TREM2: variants seen among roughly 807,000 people sequenced by gnomAD.
TREM2 encodes triggering receptor expressed on myeloid cells 2, also known as triggering receptor expressed on monocytes 2.
Under a neutral mutation model 22.9 loss-of-function variants are expected in TREM2, and 20 were observed. That is an observed-to-expected ratio of 0.87 (90% CI 0.61 to 1.27). TREM2 has a LOEUF of 1.27. TREM2 is among the 50% of genes most tolerant of loss of function. The pLI is 0.00. For synonymous variants in TREM2, 111 were observed against 120.9 expected (o/e 0.92, Z 0.54); for missense variants, 267 against 289.0 (o/e 0.92, Z 0.55).
chr6:41,163,009 G>A (rs769602566), intron 1 of TREM2, 34 bp downstream of exon 1: 1 of 1,614,052 alleles, frequency 6.2e-7, no homozygotes, highest in Non-Finnish European at 8.5e-7. Flanking sequence ...AAGTGAGGGA[G>A]AGAAGGCATC....
At position 41,159,776 on chromosome 6, in the gene TREM2, A is replaced by G. The variant is rs748010918; in HGVS notation, c.482+16T>C. ...GAAGTCTGCCCACGGGTTTTAGGAA[A>G]GACCCATCGCTGTACCTGGAGATGC... On this transcript the variant is annotated intron_variant, in intron 3 of 4. Coordinates refer to ENST00000373113, the MANE Select transcript of TREM2 (RefSeq NM_018965.4). 1.9e-6 allele frequency: 3 copies of G among 1,613,178 alleles called. No individual in the cohort carries two copies. Among genetic ancestry groups the G allele is most frequent in the Non-Finnish European group, 2.5e-6 (3 of 1,179,194 alleles).
chr6:41,160,441 G>A (rs1378487016), intron 2 of TREM2, among the ~76,000 whole-genome samples: 2 of 152,104 alleles, frequency 1.3e-5, no homozygotes, highest in African/African-American at 4.8e-5. Flanking sequence ...GGGTTGGAAA[G>A]GAGGAGAGTC....
rs2234254 is a variant in TREM2 at position 41,159,955 on chromosome 6, C to T, written c.392-73G>A. ...AGGGGGAGAACCTTGGCGGGAGAACCTTTATGGGTGGGGTGAGGTCCCCTG... is the reference window on the plus strand; with the variant it reads ...AGGGGGAGAACCTTGGCGGGAGAACTTTTATGGGTGGGGTGAGGTCCCCTG... On this transcript the variant is annotated intron_variant, in intron 2 of 4. Transcript: ENST00000373113. The T allele has an allele frequency of 2.2e-5, 29 of 1,303,440 alleles. No homozygotes were observed. In the African/African-American group the frequency reaches 2.8e-4, roughly 12 times the overall value. 80.7% of individuals were successfully genotyped at this position (1,303,440 alleles called of 1,614,324 possible).
At chr6:41,160,148 C>G (rs1385610909) in intron 2 of TREM2, among the ~76,000 whole-genome samples, 1 of 152,170 alleles carries the variant, frequency 6.6e-6, no homozygotes, top group Non-Finnish European at 1.5e-5. Flanking sequence ...ACTGCAATGC[C>G]CCCCTCCTTC....
At chr6:41,161,949 G>A (rs1450781329) in intron 1 of TREM2, among the ~76,000 whole-genome samples, 2 of 152,124 alleles carry the variant, frequency 1.3e-5, no homozygotes, top group South Asian at 2.1e-4. Flanking sequence ...CTCTCCTCTC[G>A]GCCTGGGGCT....
rs768690096 is a variant in TREM2, at chr6:41,158,657, CTCT to C, written c.*104_*106del. 1 of 1,608,116 alleles carries C rather than the reference CTCT, an allele frequency of 6.2e-7. No homozygotes were observed. The highest frequency in any genetic ancestry group is 1.7e-5 in the Admixed American group (1 of 58,902). Reference sequence around the variant, plus strand: ...AGAAGCAGTGTTCAGGCAGAGTAGTCTCTTGCCAGAGCAGAACAAGGAGTCCTG... The same window carrying C: ...AGAAGCAGTGTTCAGGCAGAGTAGTCTGCCAGAGCAGAACAAGGAGTCCTG... On this transcript the variant is annotated 3_prime_UTR_variant, in exon 5 of 5. Coordinates refer to ENST00000373113, the MANE Select transcript of TREM2 (RefSeq NM_018965.4).
At chr6:41,159,970 G>T (rs2113878428) in intron 2 of TREM2, 88 bp from the exon 3 acceptor site, 1 of 1,028,298 alleles carries the variant, frequency 9.7e-7, no homozygotes, top group Non-Finnish European at 1.5e-6. Context: ...TGGGTGGGGT[G>T]AGGTCCCCTG....
intron 1 of TREM2, among the ~76,000 whole-genome samples, chr6:41,162,515 G>T (rs1338487252): frequency 6.6e-6 from 1 of 152,128 alleles, no homozygotes; most frequent in African/African-American, 2.4e-5. Context: ...ACAAAAATTT[G>T]GTGTGTCAAT....
At chr6:41,159,348 T>C (rs2113877642) in intron 3 of TREM2, among the ~76,000 whole-genome samples, 1 of 152,332 alleles carries the variant, frequency 6.6e-6, no homozygotes, top group East Asian at 1.9e-4. Flanking sequence ...TGTGTGTGTG[T>C]ACACACATGT....
intron 2 of TREM2, 83 bp from the exon 3 acceptor site, chr6:41,159,965 G>A (rs2113878418): frequency 1.8e-6 from 2 of 1,106,028 alleles, no homozygotes; most frequent in Middle Eastern, 2.6e-4. Flanking sequence ...CTTTATGGGT[G>A]GGGTGAGGTC....
At position 41,158,749 on chromosome 6, in the gene TREM2, T is replaced by A. The variant is rs534753905; in HGVS notation, c.*15A>T. 1.1e-5 allele frequency: 17 copies of A among 1,614,146 alleles called. No homozygotes were observed. Among genetic ancestry groups the A allele is most frequent in the Middle Eastern group, 1.6e-4 (1 of 6,062 alleles). ...GGTGGGACTTCTCCTGGGCTTTTCC[T>A]CCCATCATCTTCCTTCACGTGTCTC... On this transcript the variant is annotated 3_prime_UTR_variant, in exon 5 of 5. Coordinates refer to ENST00000373113, the MANE Select transcript of TREM2 (RefSeq NM_018965.4).
chr6:41,160,612 C>CAAG (rs1288469656), intron 2 of TREM2, among the ~76,000 whole-genome samples: 1 of 152,080 alleles, frequency 6.6e-6, no homozygotes, highest in African/African-American at 2.4e-5. Context: ...ATGACGATCC[C>CAAG]AAGACAGTTC....
At chr6:41,162,086 C>T (rs958458883) in intron 1 of TREM2, among the ~76,000 whole-genome samples, 3 of 152,224 alleles carry the variant, frequency 2.0e-5, no homozygotes, top group African/African-American at 7.2e-5. Context: ...GGACCCGTCT[C>T]GGAGATATTT....
rs1360894001 is a variant in TREM2, at chr6:41,158,953, T to C, written c.596A>G (p.His199Arg). ...TGGATGTGTCCCTGGCTTCTGTCCA[T>C]GCCAGGCTGCAGCCCAGAGGGCGCT... ...AASALWAAAW[H>R]GQKPGTHPPS... is the part of the protein sequence containing the mutation. The change falls in exon 4 of 5, where the codon CAT becomes CGT. Residue 199 changes from histidine (H) to arginine (R), a missense_variant. Transcript: ENST00000373113. The C allele has an allele frequency of 6.2e-7, 1 of 1,614,212 alleles. No individual in the cohort carries two copies. The highest frequency in any genetic ancestry group is 8.5e-7 in the Non-Finnish European group (1 of 1,180,034).
rs765491948 is a variant in TREM2 at position 41,161,267 on chromosome 6, C to G, written c.387G>C (p.Leu129=). 6.2e-7 allele frequency: 1 copy of G among 1,613,730 alleles called. No homozygotes were observed. The highest frequency in any genetic ancestry group is 1.7e-5 in the Admixed American group (1 of 60,002). Residue 129 remains leucine, a synonymous_variant, in exon 2 of 5, where the codon CTG becomes CTC. Transcript: ENST00000373113. The part of the protein sequence containing the change: ...DTLRKVLVEV[L]ADPLDHRDAG... ...AGGCAGCCACTGCCCACTCACCTGC[C>G]AGCACCTCCACCAGGACCTTCCTGA...
chr6:41,159,909 C>T (rs1765517195), intron 2 of TREM2, 27 bp from the exon 3 acceptor site: 1 of 1,601,040 alleles, frequency 6.2e-7, no homozygotes, highest in Non-Finnish European at 8.5e-7. Context: ...CATGAGCCTC[C>T]AGCCCCTTCC....
At position 41,159,906 on chromosome 6, in the gene TREM2, C is replaced by T; in HGVS notation, c.392-24G>A. 5 of 1,605,214 alleles carry T rather than the reference C, an allele frequency of 3.1e-6. No homozygotes were observed. The Middle Eastern group carries it at 5.0e-4, about 162-fold the overall frequency. On this transcript the variant is annotated intron_variant, in intron 2 of 4. Coordinates refer to ENST00000373113, the MANE Select transcript of TREM2 (RefSeq NM_018965.4). ...GTCTATGGGAGGCAGAGCCATGAGC[C>T]TCCAGCCCCTTCCTCCTCGAGGCAG...
chr6:41,162,967 G>C, intron 1 of TREM2, 76 bp downstream of exon 1: 1 of 1,604,694 alleles, frequency 6.2e-7, no homozygotes. Flanking sequence ...TTCACCCCAG[G>C]GCCCACCACC....
At position 41,163,015 on chromosome 6, in the gene TREM2, G is replaced by A. The variant is rs990939467; in HGVS notation, c.40+28C>T. 3.7e-6 allele frequency: 6 copies of A among 1,613,934 alleles called. No individual in the cohort carries two copies. In the African/African-American group the frequency reaches 4.0e-5, roughly 11 times the overall value. The stretch of plus-strand genomic sequence containing the variant: ...ACATGCTCAAAGTGAGGGAGAGAAG[G>A]CATCACAGGGCACGGAGGGGATCCT... On this transcript the variant is annotated intron_variant, in intron 1 of 4. Coordinates refer to ENST00000373113, the MANE Select transcript of TREM2 (RefSeq NM_018965.4).
Sources: gnomAD v4.1 joint callset for allele counts (sites outside exome capture counted in the v4.1 genomes callset) on GRCh38, gnomAD v4.1.1 for gene constraint, MANE v1.5 for transcripts, NCBI Gene and HGNC (gene_info 2026-07-23, HGNC 2026-07-21) for gene names.